LRRTM4: variants seen among roughly 807,000 people sequenced by gnomAD.
The protein encoded by LRRTM4 is leucine-rich repeat transmembrane neuronal protein 4.
In LRRTM4, 25 loss-of-function variants were observed where a neutral mutation model predicts 47.6. The observed-to-expected ratio is 0.53, with a 90% CI of 0.38 to 0.73. The LOEUF (loss-of-function observed/expected upper bound fraction) is 0.73. Among genes scored for constraint, LRRTM4 ranks in the 30% least tolerant of loss-of-function variants. The pLI is 0.00. For missense variants in LRRTM4, 638 were observed against 713.4 expected, an observed-to-expected ratio of 0.89 and a Z score of 1.20; for synonymous variants, 311 against 269.5, an observed-to-expected ratio of 1.15 and a Z score of -1.51.
At chr2:77,147,320 G>A (rs900558015) in intron 3 of LRRTM4, among the ~76,000 whole-genome samples, 2 of 152,290 alleles carry the variant, frequency 1.3e-5, no homozygotes, top group Non-Finnish European at 2.9e-5. Context: ...TGTATCAAAT[G>A]TAATGACTCA....
At chr2:77,350,332 C>CAAAAA (rs61365229) in intron 3 of LRRTM4, among the ~76,000 whole-genome samples, 415 of 39,326 alleles carry the variant, frequency 0.011, 7 homozygotes, top group Non-Finnish European at 0.014. Flanking sequence ...GACTCCGTCT[C>CAAAAA]AAAAAAAAAA....
intron 3 of LRRTM4, among the ~76,000 whole-genome samples, chr2:76,950,469 A>G (rs1573358046): frequency 6.6e-6 from 1 of 152,148 alleles, no homozygotes; most frequent in South Asian, 2.1e-4. Context: ...GGAGTTATTT[A>G]AGAAAATTTT....
At chr2:76,851,614 G>C (rs551338387) in intron 3 of LRRTM4, among the ~76,000 whole-genome samples, 1 of 152,118 alleles carries the variant, frequency 6.6e-6, no homozygotes, top group South Asian at 2.1e-4. Flanking sequence ...TGTTGCTTTA[G>C]ATAATTGCTT....
chr2:77,013,411 A>T (rs1253499760), intron 3 of LRRTM4, among the ~76,000 whole-genome samples: 1 of 152,084 alleles, frequency 6.6e-6, no homozygotes, highest in Non-Finnish European at 1.5e-5. Flanking sequence ...TGAGATTACC[A>T]CTGTGAGGGA....
intron 3 of LRRTM4, among the ~76,000 whole-genome samples, chr2:77,268,260 C>T (rs1676104030): frequency 6.6e-6 from 1 of 152,138 alleles, no homozygotes; most frequent in African/African-American, 2.4e-5. Flanking sequence ...TCCCCTCCTT[C>T]TTTCATTCCC....
chr2:77,504,397 T>C (rs1678689369), intron 3 of LRRTM4, among the ~76,000 whole-genome samples: 1 of 151,572 alleles, frequency 6.6e-6, no homozygotes, highest in Non-Finnish European at 1.5e-5. Flanking sequence ...AAGAAATAAT[T>C]TGACTACATA....
chr2:76,783,969 A>G (rs1327627128), intron 3 of LRRTM4, among the ~76,000 whole-genome samples: 2 of 152,298 alleles, frequency 1.3e-5, no homozygotes, highest in East Asian at 3.9e-4. Context: ...TGGAGGGTTA[A>G]GAAAATGTTT....
At chr2:77,408,472 A>G (rs1674296160) in intron 3 of LRRTM4, among the ~76,000 whole-genome samples, 1 of 152,224 alleles carries the variant, frequency 6.6e-6, no homozygotes, top group Non-Finnish European at 1.5e-5. Context: ...ACTTTCACCT[A>G]TCTGTTAAGT....
chr2:77,145,414 G>A (rs1672230819), intron 3 of LRRTM4, among the ~76,000 whole-genome samples: 1 of 151,858 alleles, frequency 6.6e-6, no homozygotes, highest in Non-Finnish European at 1.5e-5. Context: ...AGCAGTGAAT[G>A]AAATACAGAA....
chr2:77,083,943 T>C (rs1478610228), intron 3 of LRRTM4, among the ~76,000 whole-genome samples: 2 of 151,384 alleles, frequency 1.3e-5, no homozygotes, highest in Non-Finnish European at 3.0e-5. Flanking sequence ...TAGCTGGGAC[T>C]ACAGGCGCCC....
intron 2 of LRRTM4, among the ~76,000 whole-genome samples, chr2:77,521,272 C>G (rs892098444): frequency 6.6e-6 from 1 of 151,914 alleles, no homozygotes; most frequent in Admixed American, 6.6e-5. Flanking sequence ...AGTAAGGACC[C>G]CACCCCTACA....
chr2:77,031,374 C>T lies in LRRTM4; in HGVS notation c.1552-282458G>A, dbSNP rs960567888. Among the ~76,000 whole-genome samples the T allele has an allele frequency of 9.9e-5, 15 of 152,216 alleles. No homozygotes were observed. The East Asian group carries it at 2.3e-3, about 23-fold the overall frequency. ...TGTCTTTATTTCATTATTTAATCTA[C>T]ACAAGGTTTATTTTACTATAACATC... On this transcript the variant is annotated intron_variant, in intron 3 of 3. Transcript: ENST00000409884.
At position 77,048,846 on chromosome 2, in the gene LRRTM4, T is replaced by C. The variant is rs561387059; in HGVS notation, c.1552-299930A>G. 1.6e-3 allele frequency among the ~76,000 whole-genome samples: 242 copies of C among 151,676 alleles called. 2 individuals are homozygous for C. The highest frequency in any genetic ancestry group is 5.6e-3 in the African/African-American group (230 of 41,422). On this transcript the variant is annotated intron_variant, in intron 3 of 3. Coordinates refer to ENST00000409884, the MANE Select transcript of LRRTM4 (RefSeq NM_001134745.3). ...TTATCCTAAACACCCTATAGTGCTATAGAACACTAGAACTTGTCCTTCCAA... is the reference window on the plus strand; with the variant it reads ...TTATCCTAAACACCCTATAGTGCTACAGAACACTAGAACTTGTCCTTCCAA...
At chr2:77,488,873 T>C (rs915085196) in intron 3 of LRRTM4, among the ~76,000 whole-genome samples, 5 of 151,884 alleles carry the variant, frequency 3.3e-5, no homozygotes, top group Middle Eastern at 6.8e-3. Flanking sequence ...TGTGACCCTA[T>C]AAAATGTCAT....
intron 3 of LRRTM4, among the ~76,000 whole-genome samples, chr2:77,225,225 AG>A (rs1245519995): frequency 1.1e-4 from 5 of 44,636 alleles, no homozygotes; most frequent in African/African-American, 4.5e-4. Context: ...GGGTGGGGGG[AG>A]GGGGGAGGGA....
At chr2:76,921,018 A>G (rs1489838664) in intron 3 of LRRTM4, among the ~76,000 whole-genome samples, 1 of 152,050 alleles carries the variant, frequency 6.6e-6, no homozygotes, top group Non-Finnish European at 1.5e-5. Flanking sequence ...TCACTTGTCA[A>G]AACTAAAAAG....
At chr2:76,796,456 G>C (rs1411081029) in intron 3 of LRRTM4, among the ~76,000 whole-genome samples, 1 of 133,258 alleles carries the variant, frequency 7.5e-6, no homozygotes, top group Non-Finnish European at 1.6e-5. Flanking sequence ...CTCCCAGCAT[G>C]CAGCTGGAGA....
At chr2:76,905,742 A>T (rs965375426) in intron 3 of LRRTM4, among the ~76,000 whole-genome samples, 3 of 151,532 alleles carry the variant, frequency 2.0e-5, no homozygotes, top group Non-Finnish European at 2.9e-5. Context: ...AAGAAAGGGT[A>T]TCAGTGATGG....
intron 3 of LRRTM4, among the ~76,000 whole-genome samples, chr2:77,188,811 G>C (rs1673584390): frequency 6.6e-6 from 1 of 152,198 alleles, no homozygotes; most frequent in African/African-American, 2.4e-5. Context: ...AGGTGCTCAA[G>C]TCGGAAGCAT....
Sources: gnomAD v4.1 joint callset for allele counts (sites outside exome capture counted in the v4.1 genomes callset) on GRCh38, gnomAD v4.1.1 for gene constraint, MANE v1.5 for transcripts, NCBI Gene and HGNC (gene_info 2026-07-23, HGNC 2026-07-21) for gene names.